The following GRHL2 variants were observed in gnomAD, a reference collection of about 807,000 sequenced individuals.
GRHL2 encodes grainyhead like transcription factor 2, also known as grainyhead-like protein 2 homolog.
GRHL2 carries 21 observed loss-of-function variants against 83.8 expected under a neutral mutation model. That is an observed-to-expected ratio of 0.25 (90% CI 0.18 to 0.36). The LOEUF (loss-of-function observed/expected upper bound fraction) is 0.36. GRHL2 is among the 10% of genes least tolerant of loss of function. The pLI is 1.00. For synonymous variants in GRHL2, 280 were observed against 278.9 expected (o/e 1.00, Z -0.04); for missense variants, 623 against 781.8 (o/e 0.80, Z 2.42).
At chr8:101,589,648 C>T (rs1022682678) in intron 7 of GRHL2, among the ~76,000 whole-genome samples, 4 of 152,114 alleles carry the variant, frequency 2.6e-5, no homozygotes, top group Non-Finnish European at 5.9e-5. Context: ...GAATCAAGCA[C>T]ATGTAAAATA....
At chr8:101,538,506 T>A (rs1811089836) in intron 1 of GRHL2, among the ~76,000 whole-genome samples, 2 of 152,202 alleles carry the variant, frequency 1.3e-5, no homozygotes, top group Admixed American at 1.3e-4. Context: ...CCCCAAAATT[T>A]TCCTCCAAAG....
intron 14 of GRHL2, among the ~76,000 whole-genome samples, chr8:101,657,357 C>G (rs997447852): frequency 6.6e-6 from 1 of 152,074 alleles, no homozygotes; most frequent in Non-Finnish European, 1.5e-5. Context: ...GCAAAGAGAA[C>G]TTTCCACAAA....
intron 5 of GRHL2, among the ~76,000 whole-genome samples, chr8:101,573,042 G>A (rs1811859000): frequency 6.6e-6 from 1 of 152,180 alleles, no homozygotes; most frequent in African/African-American, 2.4e-5. Flanking sequence ...TTTGGCCTAT[G>A]GGCCATCATT....
intron 1 of GRHL2, among the ~76,000 whole-genome samples, chr8:101,523,393 G>T (rs1810731676): frequency 6.6e-6 from 1 of 151,990 alleles, no homozygotes; most frequent in Non-Finnish European, 1.5e-5. Context: ...ATGCTATGGA[G>T]AGAAAACACC....
At chr8:101,601,159 A>AACACACACAC (rs5893575) in intron 8 of GRHL2, among the ~76,000 whole-genome samples, 5 of 137,412 alleles carry the variant, frequency 3.6e-5, no homozygotes, top group African/African-American at 1.1e-4. Flanking sequence ...GACTGTCTTA[A>AACACACACAC]ACACACACAC....
chr8:101,652,423 G>GTGTC (rs1813665354), intron 14 of GRHL2, among the ~76,000 whole-genome samples: 2 of 50,136 alleles, frequency 4.0e-5, no homozygotes, highest in Non-Finnish European at 3.9e-5. Context: ...GTGTGTGTGT[G>GTGTC]TGGTGTGTGT....
At chr8:101,518,021 G>T (rs1463545799) in intron 1 of GRHL2, among the ~76,000 whole-genome samples, 3 of 152,164 alleles carry the variant, frequency 2.0e-5, no homozygotes, top group African/African-American at 7.2e-5. Flanking sequence ...AGAAGTTCTA[G>T]AGCTTTCAGG....
chr8:101,561,162 T>G (rs1811601752), intron 4 of GRHL2, among the ~76,000 whole-genome samples: 1 of 152,070 alleles, frequency 6.6e-6, no homozygotes, highest in African/African-American at 2.4e-5. Context: ...GTAATTTTTT[T>G]TTTTTTACTT....
chr8:101,645,672 T>G (rs942631433), intron 13 of GRHL2, among the ~76,000 whole-genome samples: 2 of 151,820 alleles, frequency 1.3e-5, no homozygotes. Context: ...GACTGAGGAG[T>G]TAATACCTGG....
intron 6 of GRHL2, 147 bp downstream of exon 6, chr8:101,573,971 A>G: frequency 1.1e-6 from 1 of 889,968 alleles, no homozygotes. Context: ...GGGCAAGAGC[A>G]CTTATTGGCT....
At chr8:101,582,341 C>A (rs1414424278) in intron 7 of GRHL2, among the ~76,000 whole-genome samples, 2 of 151,950 alleles carry the variant, frequency 1.3e-5, no homozygotes, top group African/African-American at 4.8e-5. Context: ...AGTGAGAGTG[C>A]TAGTTGATTT....
At chr8:101,634,425 G>A (rs1813246249) in intron 11 of GRHL2, among the ~76,000 whole-genome samples, 3 of 152,170 alleles carry the variant, frequency 2.0e-5, no homozygotes, top group Admixed American at 2.0e-4. Flanking sequence ...AAGACAGGAG[G>A]GAAGAGGCAG....
chr8:101,527,560 G>T (rs1441559520), intron 1 of GRHL2, among the ~76,000 whole-genome samples: 1 of 151,960 alleles, frequency 6.6e-6, no homozygotes, highest in Non-Finnish European at 1.5e-5. Flanking sequence ...TTTTAGTTTG[G>T]TATTATATTT....
intron 2 of GRHL2, among the ~76,000 whole-genome samples, chr8:101,544,781 T>A (rs573616843): frequency 1.3e-5 from 2 of 152,172 alleles, no homozygotes; most frequent in Non-Finnish European, 2.9e-5. Context: ...TAATTTCCCT[T>A]TTAGTAACCT....
chr8:101,628,085 A>ATCTTTAGTAT (rs1813115464), intron 9 of GRHL2, among the ~76,000 whole-genome samples: 1 of 152,188 alleles, frequency 6.6e-6, no homozygotes, highest in African/African-American at 2.4e-5. Context: ...ATCATTGATG[A>ATCTTTAGTAT]AGGTGGCTAT....
At chr8:101,611,230 G>A (rs1203429218) in intron 8 of GRHL2, among the ~76,000 whole-genome samples, 1 of 151,186 alleles carries the variant, frequency 6.6e-6, no homozygotes, top group African/African-American at 2.5e-5. Context: ...AATGGGTAAA[G>A]ACTCCTTAAA....
At chr8:101,546,233 G>A (rs999766069) in intron 2 of GRHL2, among the ~76,000 whole-genome samples, 1 of 151,918 alleles carries the variant, frequency 6.6e-6, no homozygotes, top group African/African-American at 2.4e-5. Context: ...GTTTTCATAA[G>A]GCTTTGAAGA....
Position 101,652,533 on chromosome 8 carries a change from G to GTA in GRHL2, c.1698+3035_1698+3036insAT, listed in dbSNP as rs1491409412. 9.5e-4 allele frequency among the ~76,000 whole-genome samples: 59 copies of GTA among 62,010 alleles called. 2 individuals are homozygous for GTA. The highest frequency in any genetic ancestry group is 5.7e-3 in the African/African-American group (57 of 10,004). The allele number at this position is 62,010 out of a possible 152,430, so 40.7% of individuals were successfully genotyped here. ...GTGGTGTGTGTGTGGTGTGTGTGTGGTGTGTGTGTGTGTGGTGTGTATGTG... is the reference window on the plus strand; with the variant it reads ...GTGGTGTGTGTGTGGTGTGTGTGTGGTATGTGTGTGTGTGTGGTGTGTATGTG... On this transcript the variant is annotated intron_variant, in intron 14 of 15. Transcript: ENST00000646743.
intron 7 of GRHL2, among the ~76,000 whole-genome samples, chr8:101,587,880 T>C (rs978042501): frequency 6.6e-6 from 1 of 152,226 alleles, no homozygotes; most frequent in Non-Finnish European, 1.5e-5. Flanking sequence ...TAGAAACAAA[T>C]ATATGTCTTT....
Sources: gnomAD v4.1 joint callset for allele counts (sites outside exome capture counted in the v4.1 genomes callset) on GRCh38, gnomAD v4.1.1 for gene constraint, MANE v1.5 for transcripts, NCBI Gene and HGNC (gene_info 2026-07-23, HGNC 2026-07-21) for gene names.